The following KDM2A variants were observed in gnomAD, a reference collection of about 807,000 sequenced individuals.
KDM2A encodes lysine-specific demethylase 2A.
Under a neutral mutation model 137.3 loss-of-function variants are expected in KDM2A, and 3 were observed. The ratio of observed to expected loss-of-function variants is 0.02; its 90% CI spans 0.01 to 0.06. The LOEUF (loss-of-function observed/expected upper bound fraction) is 0.06, where lower values mean the gene tolerates loss of function less well. Ranked by LOEUF, KDM2A falls within the 10% of genes least tolerant of loss-of-function variation. KDM2A has a pLI of 1.00. For missense variants in KDM2A, 738 were observed against 1,510.6 expected (o/e 0.49, Z 8.48); for synonymous variants, 512 against 541.5 (o/e 0.95, Z 0.76).
chr11:67,214,619 T>C (rs371038502), intron 6 of KDM2A, among the ~76,000 whole-genome samples: 1 of 152,138 alleles, frequency 6.6e-6, no homozygotes, highest in South Asian at 2.1e-4. Context: ...GGATTACAGG[T>C]GTGAGCCACT....
intron 2 of KDM2A, among the ~76,000 whole-genome samples, chr11:67,138,259 TATTGA>T (rs1359832648): frequency 6.6e-6 from 1 of 152,208 alleles, no homozygotes; most frequent in Non-Finnish European, 1.5e-5. Flanking sequence ...AAAACTTGTC[TATTGA>T]ATTGAACAAA....
At chr11:67,189,582 G>A (rs1409974958) in intron 5 of KDM2A, among the ~76,000 whole-genome samples, 1 of 152,152 alleles carries the variant, frequency 6.6e-6, no homozygotes, top group Non-Finnish European at 1.5e-5. Context: ...GCTCACGCCT[G>A]TAATCCTAGC....
Position 67,119,268 on chromosome 11 carries a change from A to AGAG in KDM2A, c.-864_-862dup, listed in dbSNP as rs1327409123. 6.5e-6 allele frequency: 1 copy of AGAG among 154,070 alleles called. No homozygotes were observed. Among genetic ancestry groups the AGAG allele is most frequent in the African/African-American group, 2.4e-5 (1 of 40,940 alleles). The allele number at this position is 154,070 out of a possible 1,614,324, so 9.5% of individuals were successfully genotyped here. A position where few individuals can be genotyped will look rare whatever the true frequency, so the allele number is the denominator to read the frequency against. ...GCCTCGGAGGAGCTGTGTGTATGTGAGAGTCTGACGGGTTCAAAATGGCGG... is the reference window on the plus strand; with the variant it reads ...GCCTCGGAGGAGCTGTGTGTATGTGAGAGGAGTCTGACGGGTTCAAAATGGCGG... On this transcript the variant is annotated 5_prime_UTR_variant, in exon 1 of 21. Coordinates refer to ENST00000529006, the MANE Select transcript of KDM2A (RefSeq NM_012308.3).
chr11:67,245,291 G>C lies in KDM2A; in HGVS notation c.1666G>C (p.Ala556Pro). The change falls in exon 14 of 21, where the codon GCT becomes CCT. Residue 556 changes from alanine (A) to proline (P), a missense_variant. Around this residue, in one of 9 missense-constraint regions of KDM2A, gnomAD observed 71 missense variants for 147.9 expected, o/e 0.48. Coordinates refer to ENST00000529006, the MANE Select transcript of KDM2A (RefSeq NM_012308.3). This position sits in a 1 kb window ranked among gnomAD's most constrained non-coding sequence, Gnocchi z 4.1. ...APRLTPVRPA[A>P]ASPIVSGARR... The stretch of plus-strand genomic sequence containing the variant: ...ACGGTTAACACCTGTGAGGCCAGCT[G>C]CTGCCTCCCCGATTGTGTCAGGAGC... The C allele has an allele frequency of 1.2e-6, 2 of 1,614,072 alleles. No individual in the cohort carries two copies. Among genetic ancestry groups the C allele is most frequent in the South Asian group, 2.2e-5 (2 of 91,092 alleles).
chr11:67,152,107 G>T (rs1006893520), intron 2 of KDM2A, among the ~76,000 whole-genome samples: 2 of 152,024 alleles, frequency 1.3e-5, no homozygotes, highest in African/African-American at 4.8e-5. Context: ...TTGAGCCCAG[G>T]AGTTGAAGAA....
At chr11:67,157,574 G>T (rs1050391385) in intron 2 of KDM2A, among the ~76,000 whole-genome samples, 34 of 151,416 alleles carry the variant, frequency 2.2e-4, no homozygotes, top group Non-Finnish European at 8.8e-5. Flanking sequence ...GTGAAACCCC[G>T]TCTCTACTAA....
chr11:67,242,972 T>C (rs1220466581), intron 12 of KDM2A, 37 bp from the exon 13 acceptor site: 1 of 1,556,746 alleles, frequency 6.4e-7, no homozygotes, highest in Non-Finnish European at 8.9e-7. Context: ...TTGTTCACCC[T>C]GCCCTGATTT....
Position 67,245,574 on chromosome 11 carries a change from C to T in KDM2A, c.1833+116C>T. On this transcript the variant is annotated intron_variant, in intron 14 of 20. Coordinates refer to ENST00000529006, the MANE Select transcript of KDM2A (RefSeq NM_012308.3). The surrounding 1 kb of genome is among the most constrained non-coding windows in gnomAD (Gnocchi z 4.1). ...GAGTTGGAAAGAAAAGGTTTATACT[C>T]TCTTTTTGGCTTTATTTTGTACCTT... The T allele has an allele frequency of 1.8e-6, 2 of 1,137,462 alleles. No individual in the cohort carries two copies. The highest frequency in any genetic ancestry group is 2.6e-5 in the East Asian group (1 of 39,176). The allele number at this position is 1,137,462 out of a possible 1,614,324, so 70.5% of individuals were successfully genotyped here.
At position 67,219,418 on chromosome 11, in the gene KDM2A, G is replaced by T; in HGVS notation, c.957+15G>T. The T allele has an allele frequency of 6.9e-7, 1 of 1,442,844 alleles. No homozygotes were observed. The highest frequency in any genetic ancestry group is 9.6e-7 in the Non-Finnish European group (1 of 1,041,280). 89.4% of individuals were successfully genotyped at this position (1,442,844 alleles called of 1,614,324 possible). ...ATCGGACACGGGTAAGTAATCTTAT[G>T]TAACAGTTGCATGTGAAGAGGTTTA... On this transcript the variant is annotated intron_variant, in intron 10 of 20. Coordinates refer to ENST00000529006, the MANE Select transcript of KDM2A (RefSeq NM_012308.3).
chr11:67,193,226 G>A (rs1418525760), intron 5 of KDM2A, among the ~76,000 whole-genome samples: 1 of 151,972 alleles, frequency 6.6e-6, no homozygotes, highest in Non-Finnish European at 1.5e-5. Flanking sequence ...CTGACCTCAG[G>A]TGATCCACCC....
chr11:67,145,256 G>A (rs976122748), intron 2 of KDM2A, among the ~76,000 whole-genome samples: 5 of 151,328 alleles, frequency 3.3e-5, no homozygotes, highest in African/African-American at 7.3e-5. Flanking sequence ...AGGCTGAGGC[G>A]GGCAGATCAC....
At position 67,253,741 on chromosome 11, in the gene KDM2A, A is replaced by G. The variant is rs1370743257; in HGVS notation, c.3091+130A>G. ...AAGAATAGAAGAGCACAAAATGAAA[A>G]CAGAATGATGGACTGTGTACAAGAA... is the stretch of plus-strand genomic sequence containing the variant. On this transcript the variant is annotated intron_variant, in intron 19 of 20. Coordinates refer to ENST00000529006, the MANE Select transcript of KDM2A (RefSeq NM_012308.3). 18 of 922,966 alleles carry G rather than the reference A, an allele frequency of 2.0e-5. No homozygotes were observed. In the South Asian group the frequency reaches 2.6e-4, roughly 13 times the overall value. 57.2% of individuals were successfully genotyped at this position (922,966 alleles called of 1,614,324 possible).
intron 6 of KDM2A, among the ~76,000 whole-genome samples, chr11:67,213,755 CA>C (rs71056186): frequency 0.17 from 13,278 of 77,148 alleles, 1,465 homozygotes; most frequent in African/African-American, 0.38. Context: ...CAGACCGTCT[CA>C]AAAAAAAAAA....
chr11:67,140,648 G>C (rs2136293306), intron 2 of KDM2A, among the ~76,000 whole-genome samples: 1 of 152,216 alleles, frequency 6.6e-6, no homozygotes, highest in African/African-American at 2.4e-5. Flanking sequence ...AGCTACTTGG[G>C]AGGCTGGAGC....
chr11:67,219,260 C>A, intron 9 of KDM2A, 28 bp from the exon 10 acceptor site: 4 of 1,212,102 alleles, frequency 3.3e-6, no homozygotes, highest in Non-Finnish European at 3.5e-6. Context: ...GTGTTTTCAG[C>A]CACTGCCCTC....
chr11:67,143,814 G>A (rs1183674018), intron 2 of KDM2A, among the ~76,000 whole-genome samples: 1 of 150,764 alleles, frequency 6.6e-6, no homozygotes, highest in East Asian at 2.0e-4. Context: ...TGTATTTTTA[G>A]TACAGACAGG....
intron 2 of KDM2A, among the ~76,000 whole-genome samples, chr11:67,146,306 C>T (rs1008134446): frequency 6.6e-6 from 1 of 151,738 alleles, no homozygotes; most frequent in Non-Finnish European, 1.5e-5. Context: ...ATTTCTTTAA[C>T]ATTTGATTTT....
At chr11:67,183,345 C>T (rs1857130742) in intron 5 of KDM2A, among the ~76,000 whole-genome samples, 2 of 152,240 alleles carry the variant, frequency 1.3e-5, no homozygotes. Context: ...CTGTTTAAAG[C>T]TTCCCTCTTG....
At chr11:67,141,946 T>G (rs1856113553) in intron 2 of KDM2A, among the ~76,000 whole-genome samples, 1 of 152,014 alleles carries the variant, frequency 6.6e-6, no homozygotes, top group Non-Finnish European at 1.5e-5. Context: ...GCCTGGTTTA[T>G]TTCATGTTAT....
Sources: gnomAD v4.1 joint callset for allele counts (sites outside exome capture counted in the v4.1 genomes callset) on GRCh38, gnomAD v4.1.1 for gene constraint, gnomAD v4.1.1 regional missense constraint, Gnocchi (gnomAD v3.1) non-coding constraint, MANE v1.5 for transcripts, NCBI Gene and HGNC (gene_info 2026-07-23, HGNC 2026-07-21) for gene names.